The following FMNL2 variants were observed in gnomAD, a reference collection of about 807,000 sequenced individuals.
The protein encoded by FMNL2 is formin-like protein 2.
In FMNL2, 51 loss-of-function variants were observed where a neutral mutation model predicts 130.2. That is an observed-to-expected ratio of 0.39 (90% CI 0.31 to 0.49). The LOEUF is 0.49. FMNL2 is among the 20% of genes least tolerant of loss of function. The pLI is 0.85. For synonymous variants in FMNL2, 465 were observed against 467.1 expected, an observed-to-expected ratio of 1.00 and a Z score of 0.06; for missense variants, 977 against 1,316.2, an observed-to-expected ratio of 0.74 and a Z score of 3.99.
chr2:152,617,372 C>T (rs1465794307), intron 13 of FMNL2, among the ~76,000 whole-genome samples, 180 bp downstream of exon 13: 4 of 152,248 alleles, frequency 2.6e-5, no homozygotes, highest in Non-Finnish European at 5.9e-5. Flanking sequence ...TATGTATACA[C>T]ATGTGTGTGC....
intron 1 of FMNL2, among the ~76,000 whole-genome samples, chr2:152,502,089 A>C (rs944213842): frequency 9.2e-5 from 14 of 152,286 alleles, no homozygotes; most frequent in African/African-American, 3.4e-4. Context: ...CTATAGGGTA[A>C]GTTCTTCTTG....
At position 152,595,848 on chromosome 2, in the gene FMNL2, A is replaced by T. The variant is rs923904734; in HGVS notation, c.877-11491A>T. 7.2e-5 allele frequency among the ~76,000 whole-genome samples: 8 copies of T among 111,606 alleles called. No homozygotes were observed. In the East Asian group the frequency reaches 1.5e-3, roughly 21 times the overall value. The allele number at this position is 111,606 out of a possible 152,430, so 73.2% of individuals were successfully genotyped here. A position where few individuals can be genotyped will look rare whatever the true frequency, so the allele number is the denominator to read the frequency against. On this transcript the variant is annotated intron_variant, in intron 9 of 25. Transcript: ENST00000288670. ...AGCCTTATAATGAGTCTAATGTGACAGAGTGGGTACATCCCAGAGATAATC... is the reference window on the plus strand; with the variant it reads ...AGCCTTATAATGAGTCTAATGTGACTGAGTGGGTACATCCCAGAGATAATC...
intron 9 of FMNL2, among the ~76,000 whole-genome samples, chr2:152,605,482 C>CG (rs1263495146): frequency 6.6e-6 from 1 of 152,080 alleles, no homozygotes; most frequent in African/African-American, 2.4e-5. Context: ...CTGCACCTGT[C>CG]TGATTTTTTA....
intron 25 of FMNL2, chr2:152,643,503 A>G: frequency 6.5e-7 from 1 of 1,536,118 alleles, no homozygotes; most frequent in Non-Finnish European, 8.7e-7. Context: ...GAGGAATACC[A>G]TTACTAAACT....
chr2:152,446,841 C>T (rs115714536), intron 1 of FMNL2, among the ~76,000 whole-genome samples: 1,775 of 152,188 alleles, frequency 0.012, 18 homozygotes, highest in Non-Finnish European at 0.019. Flanking sequence ...CTTAACAGTT[C>T]GCAACACAAC....
Position 152,624,019 on chromosome 2 carries a change from G to C in FMNL2, c.1838-1419G>C, listed in dbSNP as rs1429751625. Among the ~76,000 whole-genome samples, 3 of 127,250 alleles carry C rather than the reference G, an allele frequency of 2.4e-5. No homozygotes were observed. In the East Asian group the frequency reaches 7.8e-4, roughly 33 times the overall value. The allele number at this position is 127,250 out of a possible 152,430, so 83.5% of individuals were successfully genotyped here. A position where few individuals can be genotyped will look rare whatever the true frequency, so the allele number is the denominator to read the frequency against. On this transcript the variant is annotated intron_variant, in intron 15 of 25. Transcript: ENST00000288670. ...AGGGACTGTGGCTATTTCTGAGTCT[G>C]AGAATCCATACAATTCCTTCCCTTC...
intron 1 of FMNL2, among the ~76,000 whole-genome samples, chr2:152,422,453 G>A (rs976213210): frequency 6.6e-6 from 1 of 152,022 alleles, no homozygotes; most frequent in Admixed American, 6.6e-5. Flanking sequence ...TTTGTTAATG[G>A]CTTTATTGAG....
At chr2:152,391,982 A>C (rs1685140954) in intron 1 of FMNL2, among the ~76,000 whole-genome samples, 1 of 143,586 alleles carries the variant, frequency 7.0e-6, no homozygotes, top group Admixed American at 7.3e-5. Flanking sequence ...ATCCTTATTC[A>C]CATGCCAACT....
chr2:152,536,805 TGAAGG>T (rs1694016858), intron 2 of FMNL2, among the ~76,000 whole-genome samples: 1 of 152,200 alleles, frequency 6.6e-6, no homozygotes, highest in South Asian at 2.1e-4. Context: ...CCTCAGAATA[TGAAGG>T]TATAAGATAA....
chr2:152,411,276 A>C (rs1686278214), intron 1 of FMNL2, among the ~76,000 whole-genome samples: 1 of 152,124 alleles, frequency 6.6e-6, no homozygotes, highest in Admixed American at 6.5e-5. Flanking sequence ...CCTAACAAAC[A>C]GCAGGCATAA....
intron 1 of FMNL2, among the ~76,000 whole-genome samples, chr2:152,452,691 AC>A (rs759167385): frequency 3.4e-5 from 5 of 145,716 alleles, no homozygotes; most frequent in African/African-American, 9.8e-5. Context: ...GGGAGCAGTA[AC>A]CGAGCAACTC....
At chr2:152,428,398 T>C (rs1579640338) in intron 1 of FMNL2, among the ~76,000 whole-genome samples, 2 of 152,236 alleles carry the variant, frequency 1.3e-5, no homozygotes, top group African/African-American at 4.8e-5. Context: ...TAAGCCATTA[T>C]AGTTTAATGT....
In FMNL2 at chr2:152,532,043, A is replaced by G. The variant is rs185075432; in HGVS notation, c.201+10017A>G. Among the ~76,000 whole-genome samples, 200 of 152,298 alleles carry G rather than the reference A, an allele frequency of 1.3e-3. 1 individual carries two copies. Among genetic ancestry groups the G allele is most frequent in the African/African-American group, 4.2e-3 (174 of 41,568 alleles). On this transcript the variant is annotated intron_variant, in intron 2 of 25. Transcript: ENST00000288670. ...CTGACTAAAAAATTGTGGTGCAATT[A>G]CCATAATTTTTAATTCTTTAAATAG...
Position 152,640,848 on chromosome 2 carries a change from C to T in FMNL2, c.3103C>T (p.Arg1035Ter), listed in dbSNP as rs764381846. Residue 1035 changes from arginine to a stop codon, truncating the protein, a stop_gained, in exon 25 of 26, where the codon CGA (arginine) becomes TGA (stop). Coordinates refer to ENST00000288670, the MANE Select transcript of FMNL2 (RefSeq NM_052905.4). LOFTEE classifies it high-confidence loss of function. Reference protein sequence around the residue: ...QQELIAELRRRQVKDNRHVYE... With the variant: ...QQELIAELRR ...AGAGTTAATTGCAGAATTAAGAAGA[C>T]GACAAGTTAAAGATAACAGACATGT... is the stretch of plus-strand genomic sequence containing the variant. The T allele has an allele frequency of 3.1e-6, 5 of 1,613,480 alleles. No individual in the cohort carries two copies. The highest frequency in any genetic ancestry group is 1.3e-5 in the African/African-American group (1 of 74,854).
chr2:152,638,889 C>A (rs760982433), intron 23 of FMNL2, among the ~76,000 whole-genome samples: 1 of 152,182 alleles, frequency 6.6e-6, no homozygotes, highest in Admixed American at 6.5e-5. Context: ...ATTTTAAAAT[C>A]GGCTAAGACA....
intron 1 of FMNL2, among the ~76,000 whole-genome samples, chr2:152,436,035 C>A (rs1052801013): frequency 1.5e-5 from 2 of 130,436 alleles, no homozygotes; most frequent in Non-Finnish European, 3.1e-5. Flanking sequence ...CACTAAAAGA[C>A]GTGCTTAGTT....
intron 9 of FMNL2, among the ~76,000 whole-genome samples, chr2:152,606,999 T>G (rs1223463097): frequency 7.6e-6 from 1 of 131,070 alleles, no homozygotes; most frequent in African/African-American, 2.8e-5. Flanking sequence ...GGTCGTTTTT[T>G]TTTTTTGTTT....
chr2:152,472,623 CA>C (rs1443964529), intron 1 of FMNL2, among the ~76,000 whole-genome samples: 10 of 152,144 alleles, frequency 6.6e-5, no homozygotes, highest in Non-Finnish European at 1.3e-4. Flanking sequence ...ATTACCTTTC[CA>C]AATTCCCAAA....
At chr2:152,491,138 C>T (rs1326109885) in intron 1 of FMNL2, among the ~76,000 whole-genome samples, 1 of 152,176 alleles carries the variant, frequency 6.6e-6, no homozygotes, top group Admixed American at 6.5e-5. Context: ...AATGTATCCT[C>T]TCCCCACTCC....
Sources: allele counts gnomAD v4.1 joint callset (sites outside exome capture counted in the v4.1 genomes callset), GRCh38; gene constraint gnomAD v4.1.1; transcripts MANE v1.5; gene names NCBI Gene and HGNC (gene_info 2026-07-23, HGNC 2026-07-21).